The following TMEM178B variants were observed in gnomAD, a reference collection of about 807,000 sequenced individuals.
The protein encoded by TMEM178B is transmembrane protein 178B.
TMEM178B carries 5 observed loss-of-function variants against 31.0 expected under a neutral mutation model. The observed-to-expected ratio is 0.16, with a 90% CI of 0.08 to 0.34. TMEM178B has a LOEUF of 0.34. Among genes scored for constraint, TMEM178B ranks in the 10% least tolerant of loss-of-function variants. The pLI, the probability that TMEM178B is intolerant of heterozygous loss-of-function variation, is 1.00. For missense variants in TMEM178B, 275 were observed against 400.3 expected, an observed-to-expected ratio of 0.69 and a Z score of 2.67; for synonymous variants, 164 against 164.0, an observed-to-expected ratio of 1.00 and a Z score of 0.00.
At chr7:141,371,897 C>T (rs1800123896) in intron 2 of TMEM178B, among the ~76,000 whole-genome samples, 1 of 152,190 alleles carries the variant, frequency 6.6e-6, no homozygotes, top group Non-Finnish European at 1.5e-5. Context: ...TCTACCAGTG[C>T]TCCACTTCTC....
intron 2 of TMEM178B, among the ~76,000 whole-genome samples, chr7:141,380,831 G>A (rs938985301): frequency 3.3e-5 from 5 of 152,266 alleles, no homozygotes; most frequent in African/African-American, 9.6e-5. Context: ...GTCTCAGCAT[G>A]CTAATCTCTG....
At chr7:141,075,339 T>C (rs1487667684) in intron 1 of TMEM178B, among the ~76,000 whole-genome samples, 1 of 151,288 alleles carries the variant, frequency 6.6e-6, no homozygotes, top group Non-Finnish European at 1.5e-5. Flanking sequence ...CAAGGTCTAA[T>C]AAGTAAAAAA....
At chr7:141,280,316 A>G (rs2116396864) in intron 2 of TMEM178B, among the ~76,000 whole-genome samples, 1 of 152,242 alleles carries the variant, frequency 6.6e-6, no homozygotes, top group South Asian at 2.1e-4. Flanking sequence ...CTGTGTCCCC[A>G]GCCAAATCTC....
At chr7:141,288,467 C>T (rs539947020) in intron 2 of TMEM178B, among the ~76,000 whole-genome samples, 1 of 148,442 alleles carries the variant, frequency 6.7e-6, no homozygotes, top group Non-Finnish European at 1.5e-5. Flanking sequence ...CAGAGCATCC[C>T]TGTCCGGAAA....
At chr7:141,229,152 A>T (rs1414647331) in intron 2 of TMEM178B, among the ~76,000 whole-genome samples, 1 of 136,654 alleles carries the variant, frequency 7.3e-6, no homozygotes, top group South Asian at 2.2e-4. Context: ...TTCATGGGTC[A>T]GTGTATGAAG....
intron 2 of TMEM178B, among the ~76,000 whole-genome samples, chr7:141,329,637 C>T (rs1397477271): frequency 3.9e-5 from 6 of 152,194 alleles, no homozygotes; most frequent in Admixed American, 6.5e-5. Context: ...CATTGACCAT[C>T]CTACAGAACA....
intron 1 of TMEM178B, among the ~76,000 whole-genome samples, chr7:141,200,332 C>A (rs1383662878): frequency 1.3e-5 from 2 of 150,732 alleles, no homozygotes; most frequent in South Asian, 4.2e-4. Context: ...AGTGGGCTGT[C>A]CTGGTTGTAG....
Position 141,466,488 on chromosome 7 carries a change from C to T in TMEM178B, c.635-4048C>T, listed in dbSNP as rs59562674. Among the ~76,000 whole-genome samples the T allele has an allele frequency of 9.6e-3, 1,470 of 152,346 alleles. 21 individuals carry two copies. The highest frequency in any genetic ancestry group is 0.033 in the African/African-American group (1,376 of 41,564). Reference sequence around the variant, plus strand: ...CATGTATATCCAGCTTCATCAGCTACTGTCAGCTTGGGAAGACCACAGTTT... The same window carrying T: ...CATGTATATCCAGCTTCATCAGCTATTGTCAGCTTGGGAAGACCACAGTTT... On this transcript the variant is annotated intron_variant, in intron 3 of 3. Transcript: ENST00000565468.
At chr7:141,208,551 T>C (rs1797002310) in intron 1 of TMEM178B, among the ~76,000 whole-genome samples, 1 of 152,246 alleles carries the variant, frequency 6.6e-6, no homozygotes. Flanking sequence ...ATCTTTCAAA[T>C]TTGATTGCTG....
chr7:141,291,152 G>A lies in TMEM178B; in HGVS notation c.496+78448G>A, dbSNP rs1016991528. Among the ~76,000 whole-genome samples the A allele has an allele frequency of 1.3e-5, 2 of 152,152 alleles. 1 individual carries two copies. Among genetic ancestry groups the A allele is most frequent in the South Asian group, 4.2e-4 (2 of 4,818 alleles). ...CGATAGTGCTGCTGTTGCTGGATTCGGAGAATGCTTTGCCATCTATATTGG... is the reference window on the plus strand; with the variant it reads ...CGATAGTGCTGCTGTTGCTGGATTCAGAGAATGCTTTGCCATCTATATTGG... On this transcript the variant is annotated intron_variant, in intron 2 of 3. Transcript: ENST00000565468.
intron 1 of TMEM178B, among the ~76,000 whole-genome samples, chr7:141,205,974 G>A (rs543912791): frequency 6.6e-6 from 1 of 152,264 alleles, no homozygotes; most frequent in Non-Finnish European, 1.5e-5. Flanking sequence ...GCCTCCTGGG[G>A]CTACTGTGTG....
chr7:141,097,308 G>T (rs1794977140), intron 1 of TMEM178B, among the ~76,000 whole-genome samples: 2 of 141,420 alleles, frequency 1.4e-5, no homozygotes, highest in South Asian at 4.6e-4. Context: ...GGAGTTTGCA[G>T]TGAGCCGAGA....
At chr7:141,457,766 A>G (rs2116713830) in intron 3 of TMEM178B, among the ~76,000 whole-genome samples, 1 of 152,356 alleles carries the variant, frequency 6.6e-6, no homozygotes, top group Middle Eastern at 3.4e-3. Context: ...ACTGAAAAAC[A>G]TGCAACTGTG....
At chr7:141,279,703 C>T (rs1798323985) in intron 2 of TMEM178B, among the ~76,000 whole-genome samples, 1 of 152,294 alleles carries the variant, frequency 6.6e-6, no homozygotes, top group African/African-American at 2.4e-5. Flanking sequence ...CTAGGGCAGC[C>T]CCAAGCTGGA....
the TMEM178B span, among the ~76,000 whole-genome samples, chr7:141,505,305 A>ATTT: frequency 1.3e-5 from 2 of 152,264 alleles, no homozygotes; most frequent in Non-Finnish European, 2.9e-5. Flanking sequence ...ACCTCTGGTC[A>ATTT]TAGTAAAGAC....
chr7:141,151,278 C>T (rs568128773), intron 1 of TMEM178B, among the ~76,000 whole-genome samples: 2 of 152,296 alleles, frequency 1.3e-5, no homozygotes, highest in African/African-American at 4.8e-5. Flanking sequence ...CTCACCAGGT[C>T]TCATGTACTT....
intron 2 of TMEM178B, among the ~76,000 whole-genome samples, chr7:141,248,360 G>A (rs564583744): frequency 3.3e-5 from 5 of 152,274 alleles, no homozygotes; most frequent in East Asian, 3.9e-4. Flanking sequence ...GTAGTGAGCC[G>A]AGATTGCGCC....
the TMEM178B span, among the ~76,000 whole-genome samples, chr7:141,488,824 GAAA>G: frequency 7.3e-6 from 1 of 137,886 alleles, no homozygotes; most frequent in African/African-American, 2.7e-5. Context: ...AGTCATTTTA[GAAA>G]AAAAAAAAAG....
At chr7:141,120,711 T>A (rs933345398) in intron 1 of TMEM178B, among the ~76,000 whole-genome samples, 4 of 152,082 alleles carry the variant, frequency 2.6e-5, no homozygotes, top group African/African-American at 7.2e-5. Context: ...ATCCCAATAC[T>A]TTGGGAGGCA....
Sources: gnomAD v4.1 joint callset for allele counts (sites outside exome capture counted in the v4.1 genomes callset) on GRCh38, gnomAD v4.1.1 for gene constraint, MANE v1.5 for transcripts, NCBI Gene and HGNC (gene_info 2026-07-23, HGNC 2026-07-21) for gene names.